MUC4: variants seen among roughly 807,000 people sequenced by gnomAD.
MUC4 encodes the protein mucin 4, cell surface associated.
MUC4 carries 202 observed loss-of-function variants against 257.9 expected under a neutral mutation model. That is an observed-to-expected ratio of 0.78 (90% CI 0.70 to 0.88). The LOEUF is 0.88. Among genes scored for constraint, MUC4 ranks in the 40% least tolerant of loss-of-function variants. MUC4 has a pLI of 0.00. For synonymous variants in MUC4, 2,351 were observed against 2,757.1 expected (o/e 0.85, Z 4.62); for missense variants, 5,976 against 6,513.7 (o/e 0.92, Z 2.84).
At chr3:195,748,379 C>A (rs1288180236) in intron 24 of MUC4, among the ~76,000 whole-genome samples, 2 of 152,280 alleles carry the variant, frequency 1.3e-5, no homozygotes, top group African/African-American at 4.8e-5. Flanking sequence ...GCCTGACCAA[C>A]ATGGCGAAAC....
intron 1 of MUC4, among the ~76,000 whole-genome samples, chr3:195,792,719 A>G (rs1246629244): frequency 6.6e-6 from 1 of 152,246 alleles, no homozygotes; most frequent in Non-Finnish European, 1.5e-5. Flanking sequence ...TAGTAAAGAC[A>G]TGAAACCAAC....
Position 195,780,211 on chromosome 3 carries a change from G to A in MUC4, c.11369C>T (p.Thr3790Ile), listed in dbSNP as rs558317214. 2 of 1,455,656 alleles carry A rather than the reference G, an allele frequency of 1.4e-6. No individual in the cohort carries two copies. The highest frequency in any genetic ancestry group is 2.0e-5 in the Admixed American group (1 of 49,138). The allele number at this position is 1,455,656 out of a possible 1,614,324, so 90.2% of individuals were successfully genotyped here. ...TDASSASTGD[T>I]TPLPVTDTSS... Reference sequence around the variant, plus strand: ...AGTGTCGGTGACAGGAAGAGGGGTGGTGTCACCTGTGGATGCTGAGGAAGC... The same window carrying A: ...AGTGTCGGTGACAGGAAGAGGGGTGATGTCACCTGTGGATGCTGAGGAAGC... The change falls in exon 2 of 25, where the codon ACC (threonine) becomes ATC (isoleucine). Residue 3790 changes from threonine to isoleucine, a missense_variant. This residue lies in a region of MUC4 where 330 missense variants were observed against 262.0 expected (regional missense o/e 1.26). Coordinates refer to ENST00000463781, the MANE Select transcript of MUC4 (RefSeq NM_018406.7).
chr3:195,790,514 G>A lies in MUC4; in HGVS notation c.1066C>T (p.Pro356Ser), dbSNP rs758983057. 7.4e-6 allele frequency: 12 copies of A among 1,613,900 alleles called. No individual in the cohort carries two copies. Among genetic ancestry groups the A allele is most frequent in the Non-Finnish European group, 1.0e-5 (12 of 1,179,902 alleles). The stretch of plus-strand genomic sequence containing the variant: ...GTTCCACTTGGGTTGAATCCACTTG[G>A]TGAGGATAAAACAGTTGATGTTGTA... ...PVTTSTVLSS[P>S]SGFNPSGTVS... Residue 356 changes from proline (P) to serine (S), a missense_variant, in exon 2 of 25, where the codon CCA (proline) becomes TCA (serine). Around this residue, in one of 44 missense-constraint regions of MUC4, gnomAD observed 1,583 missense variants for 1,257.4 expected, o/e 1.26. Coordinates refer to ENST00000463781, the MANE Select transcript of MUC4 (RefSeq NM_018406.7).
intron 5 of MUC4, among the ~76,000 whole-genome samples, chr3:195,771,081 CCGGGTTGGGGTATTCCTGGTCAGTCTCGT>C (rs1722753455): frequency 6.6e-4 from 65 of 98,442 alleles, no homozygotes; most frequent in East Asian, 2.8e-3. Flanking sequence ...AGTCTCGTGG[CCGGGTTGGGGTATTCCTGGTCAGTCTCGT>C]GGCCGGGTTG....
intron 1 of MUC4, among the ~76,000 whole-genome samples, chr3:195,802,296 C>T (rs895245469): frequency 1.4e-5 from 2 of 145,646 alleles, no homozygotes; most frequent in East Asian, 2.0e-4. Flanking sequence ...TTCACCCCAT[C>T]GCGTCCTCTT....
chr3:195,791,602 G>C (rs573853410), intron 1 of MUC4, 105 bp from the exon 2 acceptor site: 2 of 753,492 alleles, frequency 2.7e-6, no homozygotes, highest in South Asian at 3.6e-5. Flanking sequence ...GCTAACAAAG[G>C]ATGTGAAAAC....
rs1720245531 is a variant in MUC4, at chr3:195,765,468, G to A, written c.13619-19C>T. The A allele has an allele frequency of 6.2e-6, 10 of 1,605,458 alleles. No homozygotes were observed. Among genetic ancestry groups the A allele is most frequent in the African/African-American group, 1.3e-5 (1 of 74,770 alleles). On this transcript the variant is annotated intron_variant, in intron 8 of 24. Transcript: ENST00000463781. ...TGGAGGCCTGAGGTCGGGGATGGGG[G>A]GGAAAGGGCTTATCCAGGGCTGGGG...
At chr3:195,805,833 G>T (rs1298117755) in intron 1 of MUC4, among the ~76,000 whole-genome samples, 2 of 152,024 alleles carry the variant, frequency 1.3e-5, no homozygotes, top group African/African-American at 2.4e-5. Context: ...TCCATAATCT[G>T]GGCCGGGCGC....
intron 1 of MUC4, among the ~76,000 whole-genome samples, chr3:195,792,924 T>C (rs1315660409): frequency 2.0e-5 from 3 of 151,766 alleles, no homozygotes; most frequent in African/African-American, 7.3e-5. Flanking sequence ...TAAGTTGGAG[T>C]TGAACAATGA....
chr3:195,759,827 A>G lies in MUC4; in HGVS notation c.14849-566T>C, dbSNP rs556932073. Among the ~76,000 whole-genome samples, 10 of 152,206 alleles carry G rather than the reference A, an allele frequency of 6.6e-5. No individual in the cohort carries two copies. The East Asian group carries it at 1.9e-3, about 29-fold the overall frequency. ...TCAGCTATTCAGGAGGCTGAAACAG[A>G]AGAATCGCTTGAACCCGGGAAGCAG... On this transcript the variant is annotated intron_variant, in intron 16 of 24. Coordinates refer to ENST00000463781, the MANE Select transcript of MUC4 (RefSeq NM_018406.7).
At chr3:195,770,643 G>A (rs1048322346) in intron 5 of MUC4, 2 of 535,594 alleles carry the variant, frequency 3.7e-6, no homozygotes, top group Non-Finnish European at 6.7e-6. Flanking sequence ...GCTCAAACTG[G>A]CCCAGAGAGC....
chr3:195,749,418 CTG>C (rs1401765017), intron 23 of MUC4, among the ~76,000 whole-genome samples: 6 of 152,290 alleles, frequency 3.9e-5, no homozygotes, highest in African/African-American at 1.4e-4. Context: ...TGGGTGGAAA[CTG>C]AAACTCTGCT....
chr3:195,795,203 T>TATCA (rs572027152), intron 1 of MUC4, among the ~76,000 whole-genome samples: 18 of 152,338 alleles, frequency 1.2e-4, no homozygotes, highest in Admixed American at 1.2e-3. Flanking sequence ...AGCATTTGTC[T>TATCA]ATCATCAGGC....
At position 195,763,592 on chromosome 3, in the gene MUC4, G is replaced by A. The variant is rs761285777; in HGVS notation, c.14094C>T (p.Tyr4698=). The change falls in exon 12 of 25, where the codon TAC becomes TAT. Residue 4698 remains tyrosine (Y), a synonymous_variant. Transcript: ENST00000463781. ...GGAAGTCCCCCAGCCCATTGAAGGT[G>A]TAACTGACACCATCCAAGGTGGTGA... The part of the protein sequence containing the change: ...PHITTLDGVS[Y]TFNGLGDFLL... 1.3e-6 allele frequency: 2 copies of A among 1,592,354 alleles called. No individual in the cohort carries two copies. The highest frequency in any genetic ancestry group is 1.3e-5 in the African/African-American group (1 of 74,220).
chr3:195,771,110 TGGCCG>T (rs1722762089), intron 5 of MUC4, among the ~76,000 whole-genome samples: 8 of 33,228 alleles, frequency 2.4e-4, no homozygotes, highest in Middle Eastern at 0.012. Context: ...GTCAGTCTCG[TGGCCG>T]GGTTGGGGTA....
chr3:195,762,042 G>A (rs762533537), intron 14 of MUC4, 45 bp downstream of exon 14: 12 of 1,543,404 alleles, frequency 7.8e-6, no homozygotes, highest in South Asian at 1.2e-5. Flanking sequence ...TCCGAGCTCC[G>A]GCTGGCTCCG....
At position 195,761,125 on chromosome 3, in the gene MUC4, A is replaced by C; in HGVS notation, c.14615-8T>G. 1 of 1,609,728 alleles carries C rather than the reference A, an allele frequency of 6.2e-7. No homozygotes were observed. The highest frequency in any genetic ancestry group is 8.5e-7 in the Non-Finnish European group (1 of 1,176,010). On this transcript the variant is annotated splice_polypyrimidine_tract_variant and splice_region_variant and intron_variant, in intron 15 of 24. Coordinates refer to ENST00000463781, the MANE Select transcript of MUC4 (RefSeq NM_018406.7). ...CTGTCCCGTTGATCTGCCCTGTAAC[A>C]CACAGAGCGCGGTGGTACCAGGCAT...
In MUC4 at chr3:195,782,056, G is replaced by T; in HGVS notation, c.9524C>A (p.Ser3175Tyr). 1 of 1,427,580 alleles carries T rather than the reference G, an allele frequency of 7.0e-7. No individual in the cohort carries two copies. The highest frequency in any genetic ancestry group is 9.3e-7 in the Non-Finnish European group (1 of 1,074,446). 88.4% of individuals were successfully genotyped at this position (1,427,580 alleles called of 1,614,324 possible). The change falls in exon 2 of 25, where the codon TCC (serine) becomes TAC (tyrosine). Residue 3175 changes from serine (S) to tyrosine (Y), a missense_variant. Physicochemically the swap from Ser to Tyr is moderately radical, Grantham distance 144. Around this residue, in one of 44 missense-constraint regions of MUC4, gnomAD observed 128 missense variants for 104.8 expected, o/e 1.22. Coordinates refer to ENST00000463781, the MANE Select transcript of MUC4 (RefSeq NM_018406.7). The stretch of plus-strand genomic sequence containing the variant: ...CGTGGTGTCACCTGTGGATACTGAG[G>T]AAAGGCTGGTGACAGGAAGAGGGGT... ...QATPLPVTSL[S>Y]SVSTGDTTPL...
chr3:195,798,699 G>A (rs1044729762), intron 1 of MUC4, among the ~76,000 whole-genome samples: 11 of 151,596 alleles, frequency 7.3e-5, no homozygotes, highest in Non-Finnish European at 1.3e-4. Context: ...GTGAGACTCC[G>A]TCTCAAAAAA....
Sources: gnomAD v4.1 joint callset for allele counts (sites outside exome capture counted in the v4.1 genomes callset) on GRCh38, gnomAD v4.1.1 for gene constraint, gnomAD v4.1.1 regional missense constraint, MANE v1.5 for transcripts, NCBI Gene and HGNC (gene_info 2026-07-23, HGNC 2026-07-21) for gene names.